The following TRERF1 variants were observed in gnomAD, a reference collection of about 807,000 sequenced individuals.
The protein encoded by TRERF1 is transcriptional regulating factor 1.
TRERF1 carries 27 observed loss-of-function variants against 122.9 expected under a neutral mutation model. The ratio of observed to expected loss-of-function variants is 0.22; its 90% confidence interval spans 0.16 to 0.30. The LOEUF (loss-of-function observed/expected upper bound fraction) is 0.30. TRERF1 is among the 10% of genes least tolerant of loss of function. The pLI, the probability that TRERF1 is intolerant of heterozygous loss-of-function variation, is 1.00. For missense variants in TRERF1, 1,248 were observed against 1,560.3 expected (o/e 0.80, Z 3.37); for synonymous variants, 636 against 641.7 (o/e 0.99, Z 0.13).
At chr6:42,289,886 C>A (rs1384247310) in intron 4 of TRERF1, among the ~76,000 whole-genome samples, 1 of 152,064 alleles carries the variant, frequency 6.6e-6, no homozygotes, top group Non-Finnish European at 1.5e-5. Flanking sequence ...TTGGGGTGAA[C>A]CTGACAGGAT....
At chr6:42,443,253 C>A (rs1226672009) in intron 2 of TRERF1, among the ~76,000 whole-genome samples, 2 of 152,216 alleles carry the variant, frequency 1.3e-5, no homozygotes, top group East Asian at 3.8e-4. Flanking sequence ...CAAGAGAGTT[C>A]ATTATACTAG....
intron 4 of TRERF1, among the ~76,000 whole-genome samples, chr6:42,274,250 T>G (rs1333652715): frequency 6.6e-6 from 1 of 152,132 alleles, no homozygotes; most frequent in Non-Finnish European, 1.5e-5. Context: ...ACGCTTAAGT[T>G]GAAGATCTCT....
chr6:42,394,186 G>A (rs199988039), intron 2 of TRERF1, among the ~76,000 whole-genome samples: 2 of 152,118 alleles, frequency 1.3e-5, no homozygotes, highest in Admixed American at 6.5e-5. Flanking sequence ...TCAGGCCTCT[G>A]ATACTTTCCC....
intron 4 of TRERF1, among the ~76,000 whole-genome samples, chr6:42,274,767 A>G (rs139070672): frequency 2.6e-5 from 4 of 152,348 alleles, no homozygotes; most frequent in Non-Finnish European, 5.9e-5. Context: ...GATAATGGCA[A>G]AACATGTGCT....
chr6:42,304,698 A>T (rs1400688244), intron 3 of TRERF1, among the ~76,000 whole-genome samples: 1 of 152,192 alleles, frequency 6.6e-6, no homozygotes, highest in Non-Finnish European at 1.5e-5. Flanking sequence ...ACCCCTTAGA[A>T]GTCAGTAGAC....
chr6:42,357,996 A>C (rs899141606), intron 3 of TRERF1, among the ~76,000 whole-genome samples: 3 of 152,016 alleles, frequency 2.0e-5, no homozygotes, highest in Admixed American at 2.0e-4. Flanking sequence ...AAGTATTAAT[A>C]CTAGCACTTA....
chr6:42,272,373 C>T (rs967809752), intron 4 of TRERF1, among the ~76,000 whole-genome samples: 1 of 152,012 alleles, frequency 6.6e-6, no homozygotes, highest in East Asian at 1.9e-4. Flanking sequence ...GGGAGGGTGG[C>T]CAAGGATGGC....
chr6:42,349,419 G>T (rs1233592017), intron 3 of TRERF1, among the ~76,000 whole-genome samples: 2 of 151,738 alleles, frequency 1.3e-5, no homozygotes, highest in Non-Finnish European at 1.5e-5. Flanking sequence ...AACCAGTCTG[G>T]GTTGGTTTTC....
chr6:42,374,581 C>T (rs1176738943), intron 2 of TRERF1, among the ~76,000 whole-genome samples: 2 of 152,200 alleles, frequency 1.3e-5, no homozygotes, highest in Non-Finnish European at 2.9e-5. Flanking sequence ...CAGTCATTTC[C>T]TGCCAGAGCT....
intron 2 of TRERF1, among the ~76,000 whole-genome samples, chr6:42,421,071 T>C (rs1487540445): frequency 6.6e-6 from 1 of 152,252 alleles, no homozygotes; most frequent in Non-Finnish European, 1.5e-5. Flanking sequence ...ACATGCTCCA[T>C]GACCCTGGGA....
chr6:42,298,106 T>C (rs1268208780), intron 4 of TRERF1, among the ~76,000 whole-genome samples: 1 of 152,058 alleles, frequency 6.6e-6, no homozygotes, highest in East Asian at 1.9e-4. Flanking sequence ...TTTAGACACA[T>C]AATAAATTAG....
At chr6:42,352,533 A>AAT (rs1769661076) in intron 3 of TRERF1, among the ~76,000 whole-genome samples, 1 of 152,240 alleles carries the variant, frequency 6.6e-6, no homozygotes. Context: ...GAAATCTTAA[A>AAT]ATAGTGAATA....
intron 2 of TRERF1, among the ~76,000 whole-genome samples, chr6:42,419,427 G>A (rs191467289): frequency 7.9e-5 from 12 of 152,104 alleles, no homozygotes; most frequent in Admixed American, 7.9e-4. Context: ...TGGCCTGCAT[G>A]TCCGAAGGCA....
chr6:42,354,307 C>CT (rs780905606), intron 3 of TRERF1, among the ~76,000 whole-genome samples: 1 of 150,740 alleles, frequency 6.6e-6, no homozygotes, highest in East Asian at 1.9e-4. Context: ...TAGTACTTTT[C>CT]TTTTTAATTT....
At chr6:42,246,132 T>A (rs1289719658) in intron 14 of TRERF1, among the ~76,000 whole-genome samples, 1 of 152,020 alleles carries the variant, frequency 6.6e-6, no homozygotes, top group Non-Finnish European at 1.5e-5. Context: ...AAAAATAAAA[T>A]AAATTATGTA....
intron 2 of TRERF1, among the ~76,000 whole-genome samples, chr6:42,411,824 T>C (rs1246724690): frequency 1.3e-5 from 2 of 152,100 alleles, no homozygotes; most frequent in African/African-American, 4.8e-5. Context: ...AGGGAGGCTG[T>C]GGAACATGGA....
intron 2 of TRERF1, among the ~76,000 whole-genome samples, chr6:42,369,447 A>C (rs1581830829): frequency 1.3e-5 from 2 of 152,242 alleles, no homozygotes; most frequent in African/African-American, 4.8e-5. Flanking sequence ...CCAACTCAAA[A>C]AATATGAACA....
intron 2 of TRERF1, among the ~76,000 whole-genome samples, chr6:42,390,570 G>A (rs1777558375): frequency 6.6e-6 from 1 of 152,140 alleles, no homozygotes; most frequent in Admixed American, 6.5e-5. Flanking sequence ...GTTCGCACTG[G>A]TATCACTGTA....
At chr6:42,293,516 C>T (rs1784623625) in intron 4 of TRERF1, among the ~76,000 whole-genome samples, 1 of 152,152 alleles carries the variant, frequency 6.6e-6, no homozygotes, top group Non-Finnish European at 1.5e-5. Flanking sequence ...AAACAAACTC[C>T]TATTTGTTTC....
Sources: allele counts gnomAD v4.1 joint callset (sites outside exome capture counted in the v4.1 genomes callset), GRCh38; gene constraint gnomAD v4.1.1; transcripts MANE v1.5; gene names NCBI Gene and HGNC (gene_info 2026-07-23, HGNC 2026-07-21).